Variants in MTMR3 observed in about 807,000 individuals in gnomAD.
MTMR3 encodes the protein phosphatidylinositol-3,5-bisphosphate 3-phosphatase MTMR3.
A neutral mutation model predicts 132.4 loss-of-function variants in MTMR3; 32 were observed. The observed-to-expected ratio is 0.24, with a 90% confidence interval of 0.18 to 0.32. MTMR3 has a LOEUF of 0.32. MTMR3 is among the 10% of genes least tolerant of loss of function. The probability of loss-of-function intolerance (pLI) is 1.00; values close to 1 mark genes in which losing one functional copy is unlikely to be tolerated. For missense variants in MTMR3, 1,216 were observed against 1,489.6 expected (o/e 0.82, Z 3.02); for synonymous variants, 556 against 550.3 (o/e 1.01, Z -0.14).
At chr22:29,986,590 G>A (rs1314861211) in intron 5 of MTMR3, 1 of 984,246 alleles carries the variant, frequency 1.0e-6, no homozygotes, top group African/African-American at 1.8e-5. Context: ...TGGGGTTAAG[G>A]ACGTAAATAA....
rs141784414 is a variant in MTMR3 at position 30,019,680 on chromosome 22, G to C, written c.2021G>C (p.Gly674Ala). ...CTAGGGAAGCCCACCAGAGTGCCGG[G>C]GGGTGCCGAGCTTTCTGTTGCAGCC... ...DSLGKPTRVP[G>A]GAELSVAAGV... The change falls in exon 17 of 20, where the codon GGG (glycine) becomes GCG (alanine). Residue 674 changes from glycine to alanine, a missense_variant. Physicochemically the swap from Gly to Ala is moderately conservative, Grantham distance 60. Around this residue, in one of 7 missense-constraint regions of MTMR3, gnomAD observed 852 missense variants for 852.0 expected, o/e 1.00. Coordinates refer to ENST00000401950, the MANE Select transcript of MTMR3 (RefSeq NM_021090.4). 2 of 1,614,082 alleles carry C rather than the reference G, an allele frequency of 1.2e-6. No homozygotes were observed. The highest frequency in any genetic ancestry group is 1.7e-6 in the Non-Finnish European group (2 of 1,180,056).
rs1261260532 is a variant in MTMR3 at position 29,908,096 on chromosome 22, C to T, written c.-138+24737C>T. Among the ~76,000 whole-genome samples the T allele has an allele frequency of 3.9e-5, 6 of 152,068 alleles. No homozygotes were observed. The East Asian group carries it at 1.2e-3, about 29-fold the overall frequency. The stretch of plus-strand genomic sequence containing the variant: ...TAGGAAGGACTTCCACAGTCGGATG[C>T]AAGTAAGATTTTTTTTCCTAACAAC... On this transcript the variant is annotated intron_variant, in intron 1 of 19. Coordinates refer to ENST00000401950, the MANE Select transcript of MTMR3 (RefSeq NM_021090.4).
intron 3 of MTMR3, among the ~76,000 whole-genome samples, chr22:29,972,804 C>T (rs536827100): frequency 6.6e-6 from 1 of 152,342 alleles, no homozygotes; most frequent in East Asian, 1.9e-4. Flanking sequence ...CTCCTGACCT[C>T]AGGTGATGTG....
intron 6 of MTMR3, chr22:29,989,290 A>G: frequency 6.6e-6 from 1 of 152,556 alleles, no homozygotes; most frequent in Non-Finnish European, 1.5e-5. Flanking sequence ...GTGCAGTAGC[A>G]CGATCTCAGC....
chr22:29,999,409 A>G (rs890081911), intron 8 of MTMR3: 1 of 152,356 alleles, frequency 6.6e-6, no homozygotes, highest in Non-Finnish European at 1.5e-5. Flanking sequence ...CCTGGGACCC[A>G]AGTCTAAACA....
At chr22:30,000,594 C>T (rs541066104) in intron 8 of MTMR3, 2 of 152,226 alleles carry the variant, frequency 1.3e-5, no homozygotes, top group Admixed American at 6.5e-5. Context: ...TGTGGCTAGC[C>T]GTCAGAGTTT....
intron 1 of MTMR3, among the ~76,000 whole-genome samples, chr22:29,911,219 G>A (rs1211207273): frequency 2.0e-5 from 3 of 152,036 alleles, no homozygotes; most frequent in Admixed American, 6.6e-5. Context: ...TTGTTTCTAC[G>A]CAGCATCTCA....
At chr22:29,949,457 C>G (rs1349617776) in intron 1 of MTMR3, among the ~76,000 whole-genome samples, 1 of 150,764 alleles carries the variant, frequency 6.6e-6, no homozygotes, top group Admixed American at 6.6e-5. Context: ...GATCATGCCA[C>G]TGCACTCAAG....
chr22:29,889,907 CTTTT>C (rs11399020), intron 1 of MTMR3, among the ~76,000 whole-genome samples: 2 of 124,910 alleles, frequency 1.6e-5, no homozygotes, highest in Admixed American at 8.7e-5. Context: ...AGGATAAATT[CTTTT>C]TTTTTTTTTT....
At chr22:29,996,694 TC>T (rs2067067738) in intron 7 of MTMR3, 1 of 152,118 alleles carries the variant, frequency 6.6e-6, no homozygotes, top group Non-Finnish European at 1.5e-5. Context: ...AATTAAAGAC[TC>T]CTTGTCTGTT....
chr22:30,019,980 T>C lies in MTMR3; in HGVS notation c.2321T>C (p.Val774Ala), dbSNP rs776689901. ...TCTGAACAGCAGAGTGGGCTCAGTGTTCTCCTCAGTTCTCTCCAGGTCCCC... is the reference window on the plus strand; with the variant it reads ...TCTGAACAGCAGAGTGGGCTCAGTGCTCTCCTCAGTTCTCTCCAGGTCCCC... Reference protein sequence around the residue: ...GISEQQSGLSVLLSSLQVPPR... With the variant: ...GISEQQSGLSALLSSLQVPPR... Residue 774 changes from valine to alanine, a missense_variant, in exon 17 of 20, where the codon GTT (valine) becomes GCT (alanine). Around this residue, in one of 7 missense-constraint regions of MTMR3, gnomAD observed 852 missense variants for 852.0 expected, o/e 1.00. Coordinates refer to ENST00000401950, the MANE Select transcript of MTMR3 (RefSeq NM_021090.4). 3 of 1,614,206 alleles carry C rather than the reference T, an allele frequency of 1.9e-6. No individual in the cohort carries two copies. The Admixed American group carries it at 5.0e-5, about 27-fold the overall frequency.
intron 11 of MTMR3, 34 bp downstream of exon 11, chr22:30,008,066 C>G (rs1193137318): frequency 5.6e-6 from 9 of 1,606,868 alleles, no homozygotes; most frequent in Non-Finnish European, 7.7e-6. Flanking sequence ...CCCATACTTT[C>G]TCCTTGTGAG....
At chr22:29,970,949 C>CCCCTCT in intron 2 of MTMR3, 27 bp from the exon 3 acceptor site, 1 of 370,726 alleles carries the variant, frequency 2.7e-6, no homozygotes. Flanking sequence ...TTTTTTTCTT[C>CCCCTCT]TTCCCCCTCT....
At chr22:30,021,130 T>C (rs2067737877) in intron 17 of MTMR3, 2 of 543,992 alleles carry the variant, frequency 3.7e-6, no homozygotes, top group African/African-American at 3.8e-5. Context: ...AGACTTAGCA[T>C]GCACTGCATG....
intron 1 of MTMR3, among the ~76,000 whole-genome samples, chr22:29,896,402 G>A (rs1402972059): frequency 2.6e-5 from 4 of 152,086 alleles, no homozygotes; most frequent in South Asian, 2.1e-4. Context: ...TGAGTTCTTC[G>A]GCAATTTCTC....
intron 1 of MTMR3, among the ~76,000 whole-genome samples, chr22:29,946,994 G>C (rs1014192647): frequency 6.6e-5 from 10 of 152,116 alleles, no homozygotes; most frequent in African/African-American, 2.4e-4. Flanking sequence ...ATAGGGTTTA[G>C]GTTAGATTGT....
intron 1 of MTMR3, among the ~76,000 whole-genome samples, chr22:29,906,338 A>G (rs12159346): frequency 7.1e-5 from 10 of 140,482 alleles, no homozygotes; most frequent in Admixed American, 2.2e-4. Flanking sequence ...CTATCTGTCT[A>G]TCTATCTATC....
chr22:30,010,193 A>C (rs1248195622), intron 12 of MTMR3: 1 of 152,260 alleles, frequency 6.6e-6, no homozygotes, highest in Non-Finnish European at 1.5e-5. Flanking sequence ...CTAAGGACCC[A>C]GGAGATCGGC....
intron 7 of MTMR3, chr22:29,993,557 A>C (rs2067004988): frequency 6.6e-6 from 1 of 152,156 alleles, no homozygotes; most frequent in African/African-American, 2.4e-5. Context: ...GGTATTCCCT[A>C]ATTTTGGGTT....
Sources: gnomAD v4.1 joint callset for allele counts (sites outside exome capture counted in the v4.1 genomes callset) on GRCh38, gnomAD v4.1.1 for gene constraint, gnomAD v4.1.1 regional missense constraint, MANE v1.5 for transcripts, NCBI Gene and HGNC (gene_info 2026-07-23, HGNC 2026-07-21) for gene names.